Variants in ACOXL observed in about 807,000 individuals in gnomAD.
The protein encoded by ACOXL is acyl-coenzyme A oxidase-like protein.
A neutral mutation model predicts 71.9 loss-of-function variants in ACOXL; 70 were observed. That is an observed-to-expected ratio of 0.97 (90% CI 0.80 to 1.19). The LOEUF (loss-of-function observed/expected upper bound fraction) is 1.19. Ranked by LOEUF, ACOXL falls within the 50% of genes most tolerant of loss-of-function variation. The pLI is 0.00. For synonymous variants in ACOXL, 253 were observed against 281.6 expected (o/e 0.90, Z 1.02); for missense variants, 703 against 736.3 (o/e 0.95, Z 0.52).
intron 16 of ACOXL, among the ~76,000 whole-genome samples, chr2:111,069,093 C>G (rs981749889): frequency 6.6e-6 from 1 of 151,194 alleles, no homozygotes; most frequent in Non-Finnish European, 1.5e-5. Flanking sequence ...TCGCTATGTC[C>G]TGGCCTTTTC....
At chr2:110,872,146 T>C (rs1234474254) in intron 10 of ACOXL, among the ~76,000 whole-genome samples, 3 of 152,134 alleles carry the variant, frequency 2.0e-5, no homozygotes, top group African/African-American at 7.2e-5. Flanking sequence ...AACCATCACA[T>C]CATTGAGGCT....
chr2:110,990,757 G>A (rs890293372), intron 13 of ACOXL, among the ~76,000 whole-genome samples: 1 of 152,086 alleles, frequency 6.6e-6, no homozygotes, highest in Non-Finnish European at 1.5e-5. Context: ...CTGTTGAAAC[G>A]ATCATATATT....
chr2:111,004,315 CA>C (rs11297883), intron 14 of ACOXL, among the ~76,000 whole-genome samples: 136,673 of 152,178 alleles, frequency 0.9, 61,635 homozygotes, highest in African/African-American at 0.97. Flanking sequence ...GATGCTTGGC[CA>C]AACCCTTCTA....
intron 16 of ACOXL, among the ~76,000 whole-genome samples, chr2:111,055,930 G>A (rs569108792): frequency 6.6e-6 from 1 of 152,332 alleles, no homozygotes; most frequent in Admixed American, 6.5e-5. Context: ...GTAAGCTAGA[G>A]CCACACAGAA....
At chr2:111,020,738 AG>A (rs2064714781) in intron 14 of ACOXL, among the ~76,000 whole-genome samples, 1 of 152,212 alleles carries the variant, frequency 6.6e-6, no homozygotes, top group African/African-American at 2.4e-5. Flanking sequence ...GCTCTCATGC[AG>A]CTGTGCTGAA....
chr2:110,759,375 G>A (rs1280423580), intron 1 of ACOXL, among the ~76,000 whole-genome samples: 14 of 152,112 alleles, frequency 9.2e-5, no homozygotes, highest in Non-Finnish European at 5.9e-5. Flanking sequence ...TTGGGTGCAT[G>A]TTTATTTAGG....
At chr2:110,906,881 G>A (rs1309823201) in intron 10 of ACOXL, among the ~76,000 whole-genome samples, 1 of 152,260 alleles carries the variant, frequency 6.6e-6, no homozygotes, top group Non-Finnish European at 1.5e-5. Context: ...ATGTCCCCCA[G>A]TGGGGTGGAT....
chr2:110,969,380 A>G (rs1363940797), intron 12 of ACOXL, among the ~76,000 whole-genome samples: 1 of 152,242 alleles, frequency 6.6e-6, no homozygotes, highest in Non-Finnish European at 1.5e-5. Context: ...CCATGAAACA[A>G]AAGGCTGGCT....
intron 9 of ACOXL, among the ~76,000 whole-genome samples, chr2:110,832,508 G>A (rs576738334): frequency 6.9e-5 from 10 of 144,856 alleles, no homozygotes; most frequent in African/African-American, 2.3e-4. Context: ...ACTGCAGTCC[G>A]CAGTCCGGCC....
chr2:110,901,819 A>G (rs1249606374), intron 10 of ACOXL, among the ~76,000 whole-genome samples: 1 of 152,078 alleles, frequency 6.6e-6, no homozygotes, highest in Non-Finnish European at 1.5e-5. Flanking sequence ...TGAAACCAGG[A>G]GTTCAAGACC....
chr2:110,947,338 C>T (rs1435016598), intron 12 of ACOXL, among the ~76,000 whole-genome samples: 1 of 152,080 alleles, frequency 6.6e-6, no homozygotes, highest in Non-Finnish European at 1.5e-5. Flanking sequence ...GGGAAACAGC[C>T]CTGGATCTTG....
chr2:110,772,908 A>G lies in ACOXL; in HGVS notation c.75+4444A>G, dbSNP rs1682149036. ...ATGAAAGGGCAGCTATCTTTTATTG[A>G]GCCAGATACTAAAACAATGTGAAAC... is the stretch of plus-strand genomic sequence containing the variant. On this transcript the variant is annotated intron_variant, in intron 2 of 17. Coordinates refer to ENST00000439055, the MANE Select transcript of ACOXL (RefSeq NM_001142807.4). Among the ~76,000 whole-genome samples, 5 of 152,240 alleles carry G rather than the reference A, an allele frequency of 3.3e-5. No homozygotes were observed. In the South Asian group the frequency reaches 1.0e-3, roughly 32 times the overall value.
intron 10 of ACOXL, among the ~76,000 whole-genome samples, chr2:110,870,767 T>C (rs568499301): frequency 4.9e-4 from 75 of 152,328 alleles, no homozygotes; most frequent in African/African-American, 1.8e-3. Context: ...CCTTTGTAAT[T>C]TCTGATCAAA....
At chr2:110,792,105 A>G (rs1170654141) in intron 3 of ACOXL, among the ~76,000 whole-genome samples, 2 of 151,996 alleles carry the variant, frequency 1.3e-5, no homozygotes, top group Non-Finnish European at 2.9e-5. Context: ...CCTGGCTTCT[A>G]CTCCAAATGG....
intron 12 of ACOXL, among the ~76,000 whole-genome samples, chr2:110,937,787 T>C (rs1246268773): frequency 6.6e-6 from 1 of 152,232 alleles, no homozygotes; most frequent in Non-Finnish European, 1.5e-5. Flanking sequence ...TTGAAGCCAG[T>C]AATCCTGGGC....
chr2:110,795,179 T>C (rs1685143609), intron 5 of ACOXL, among the ~76,000 whole-genome samples: 1 of 152,204 alleles, frequency 6.6e-6, no homozygotes, highest in African/African-American at 2.4e-5. Flanking sequence ...TTTTGCAGTT[T>C]GTCCTTGAGC....
chr2:110,975,680 A>G (rs1319332616), intron 12 of ACOXL, among the ~76,000 whole-genome samples: 1 of 152,158 alleles, frequency 6.6e-6, no homozygotes, highest in Non-Finnish European at 1.5e-5. Context: ...CAAAATAGAG[A>G]AACAAAAACT....
intron 12 of ACOXL, among the ~76,000 whole-genome samples, chr2:110,938,676 A>G (rs2060755746): frequency 6.6e-6 from 1 of 152,022 alleles, no homozygotes; most frequent in Non-Finnish European, 1.5e-5. Flanking sequence ...GTGCACAGAC[A>G]TTGAATGAAT....
intron 9 of ACOXL, among the ~76,000 whole-genome samples, chr2:110,835,596 G>A (rs1314628969): frequency 2.6e-5 from 4 of 152,210 alleles, no homozygotes; most frequent in African/African-American, 4.8e-5. Flanking sequence ...GCCTGAACTC[G>A]TGGTGATCAT....
Sources: gnomAD v4.1 joint callset for allele counts (sites outside exome capture counted in the v4.1 genomes callset) on GRCh38, gnomAD v4.1.1 for gene constraint, MANE v1.5 for transcripts, NCBI Gene and HGNC (gene_info 2026-07-23, HGNC 2026-07-21) for gene names.